The following SH2D3A variants were observed in gnomAD, a reference collection of about 807,000 sequenced individuals.
The protein encoded by SH2D3A is SH2 domain containing 3A.
In SH2D3A, 46 loss-of-function variants were observed where a neutral mutation model predicts 50.6. That is an observed-to-expected ratio of 0.91 (90% confidence interval 0.72 to 1.16). The LOEUF is 1.16. SH2D3A is among the 50% of genes most tolerant of loss of function. SH2D3A has a pLI of 0.00. For missense variants in SH2D3A, 783 were observed against 786.2 expected (o/e 1.00, Z 0.05); for synonymous variants, 377 against 348.4 (o/e 1.08, Z -0.91).
At position 6,754,913 on chromosome 19, in the gene SH2D3A, T is replaced by C; in HGVS notation, c.899A>G (p.Gln300Arg). The change falls in exon 5 of 10, where the codon CAA becomes CGA. Residue 300 changes from glutamine to arginine, a missense_variant. Physicochemically the swap from Gln to Arg is conservative, Grantham distance 43 (BLOSUM62 1). Transcript: ENST00000245908. ...LGPQNRPLEP[Q>R]VLHTLRGLFL... ...CAGGCCACGGAGGGTATGCAGGACTTGGGGTTCCAGGGGCCGATTCTGGGG... is the reference window on the plus strand; with the variant it reads ...CAGGCCACGGAGGGTATGCAGGACTCGGGGTTCCAGGGGCCGATTCTGGGG... 6.2e-7 allele frequency: 1 copy of C among 1,610,740 alleles called. No individual in the cohort carries two copies. The highest frequency in any genetic ancestry group is 8.5e-7 in the Non-Finnish European group (1 of 1,178,066).
chr19:6,752,728 C>T lies in SH2D3A; in HGVS notation c.1596G>A (p.Arg532=). The T allele has an allele frequency of 4.5e-6, 7 of 1,551,100 alleles. No individual in the cohort carries two copies. Among genetic ancestry groups the T allele is most frequent in the Non-Finnish European group, 6.1e-6 (7 of 1,146,664 alleles). ...GCACGAAGCCGGTGGTCAGGGCCTCCCTCAGCTCCGGGTTAGGCCGGAATC... is the reference window on the plus strand; with the variant it reads ...GCACGAAGCCGGTGGTCAGGGCCTCTCTCAGCTCCGGGTTAGGCCGGAATC... The part of the protein sequence containing the change: ...LRGFRPNPEL[R]EALTTGFVRR... The change falls in exon 10 of 10, where the codon AGG becomes AGA. Residue 532 remains arginine, a synonymous_variant. Coordinates refer to ENST00000245908, the MANE Select transcript of SH2D3A (RefSeq NM_005490.3).
intron 1 of SH2D3A, among the ~76,000 whole-genome samples, chr19:6,767,000 A>T (rs1308730804): frequency 6.6e-6 from 1 of 152,160 alleles, no homozygotes; most frequent in Admixed American, 6.6e-5. Flanking sequence ...TAGCCGGAAT[A>T]CGATGAGGAA....
chr19:6,761,114 A>C, intron 2 of SH2D3A, 127 bp from the exon 3 acceptor site: 1 of 716,404 alleles, frequency 1.4e-6, no homozygotes, highest in East Asian at 2.7e-5. Context: ...TGTGGCAGGC[A>C]AAGACGGGGA....
chr19:6,759,214 A>G (rs916037041), intron 4 of SH2D3A: 2 of 192,042 alleles, frequency 1.0e-5, no homozygotes, highest in South Asian at 1.7e-4. Context: ...CCCAGGTTCA[A>G]GCGATTCTCC....
chr19:6,752,808 T>C, intron 9 of SH2D3A, 55 bp from the exon 10 acceptor site: 2 of 1,459,262 alleles, frequency 1.4e-6, no homozygotes, highest in Non-Finnish European at 1.8e-6. Flanking sequence ...GCCTCGCCCC[T>C]CCCAACCTCC....
At chr19:6,754,581 C>T (rs1394308137) in intron 6 of SH2D3A, 35 bp downstream of exon 6, 1 of 1,610,588 alleles carries the variant, frequency 6.2e-7, no homozygotes, top group Non-Finnish European at 8.5e-7. Context: ...GGGGAATTGG[C>T]CTCCCCCAAC....
intron 9 of SH2D3A, 65 bp from the exon 10 acceptor site, chr19:6,752,818 C>T (rs1045797669): frequency 1.4e-6 from 2 of 1,445,898 alleles, no homozygotes; most frequent in African/African-American, 1.4e-5. Context: ...TCCCAACCTC[C>T]CGGCACCTTC....
intron 8 of SH2D3A, 110 bp from the exon 9 acceptor site, chr19:6,753,751 G>A: frequency 1.7e-6 from 2 of 1,211,286 alleles, no homozygotes; most frequent in Admixed American, 3.0e-5. Flanking sequence ...GCGACAGCGG[G>A]GTCTGTGGAG....
chr19:6,753,906 A>G, intron 8 of SH2D3A, 146 bp downstream of exon 8: 1 of 1,094,498 alleles, frequency 9.1e-7, no homozygotes, highest in Non-Finnish European at 1.3e-6. Flanking sequence ...GGAAAGGGCC[A>G]GGACCAACCC....
At position 6,753,539 on chromosome 19, in the gene SH2D3A, C is replaced by G. The variant is rs570757869; in HGVS notation, c.1487G>C (p.Arg496Pro). ...VAGPLDESCE[R>P]LLRTLHGARH... ...CGCCCCGTGCAGGGTGCGCAACAGCCGCTCACAGCTCTCGTCCAGCGGCCC... is the reference window on the plus strand; with the variant it reads ...CGCCCCGTGCAGGGTGCGCAACAGCGGCTCACAGCTCTCGTCCAGCGGCCC... Residue 496 changes from arginine (R) to proline (P), a missense_variant, in exon 9 of 10, where the codon CGG (arginine) becomes CCG (proline). Physicochemically the swap from Arg to Pro is moderately radical, Grantham distance 103 (BLOSUM62 -2). Transcript: ENST00000245908. 1.4e-5 allele frequency: 22 copies of G among 1,568,340 alleles called. No homozygotes were observed. In the East Asian group the frequency reaches 3.3e-4, roughly 24 times the overall value.
At position 6,752,764 on chromosome 19, in the gene SH2D3A, G is replaced by A; in HGVS notation, c.1571-11C>T. On this transcript the variant is annotated splice_polypyrimidine_tract_variant and intron_variant, in intron 9 of 9. Coordinates refer to ENST00000245908, the MANE Select transcript of SH2D3A (RefSeq NM_005490.3). ...GGTTAGGCCGGAATCCTGGAAGCAA[G>A]GTCAGGTGGGCTGGGGGCGGGGCCC... The A allele has an allele frequency of 6.6e-7, 1 of 1,520,296 alleles. No homozygotes were observed. Among genetic ancestry groups the A allele is most frequent in the South Asian group, 1.2e-5 (1 of 82,704 alleles). 94.2% of individuals were successfully genotyped at this position (1,520,296 alleles called of 1,614,324 possible). A position where few individuals can be genotyped will look rare whatever the true frequency, so the allele number is the denominator to read the frequency against.
intron 6 of SH2D3A, 56 bp from the exon 7 acceptor site, chr19:6,754,481 G>A (rs778395778): frequency 1.4e-5 from 21 of 1,541,562 alleles, no homozygotes; most frequent in Non-Finnish European, 1.8e-5. Context: ...TAATGCAGGG[G>A]TGAGGGGGGA....
Position 6,754,354 on chromosome 19 carries a change from G to T in SH2D3A, c.1169C>A (p.Ala390Asp). The T allele has an allele frequency of 6.4e-7, 1 of 1,568,696 alleles. No homozygotes were observed. Among genetic ancestry groups the T allele is most frequent in the Non-Finnish European group, 8.6e-7 (1 of 1,164,208 alleles). The change falls in exon 7 of 10, where the codon GCC becomes GAC. Residue 390 changes from alanine to aspartate, a missense_variant. Transcript: ENST00000245908. ...GCSGPLEERA[A>D]ALRGLVELAL... is the part of the protein sequence containing the mutation. ...CAGCTCTACCAGTCCCCTCAGTGCG[G>T]CTGCGCGCTCCTCCAGCGGCCCCGA...
rs1206196492 is a variant in SH2D3A, at chr19:6,753,953, G to T, written c.1384+99C>A. ...GCGGGGCCTATGGTGAAGGGACCGGGCCTAGAACAGATGCAGGGACTGGGC... is the reference window on the plus strand; with the variant it reads ...GCGGGGCCTATGGTGAAGGGACCGGTCCTAGAACAGATGCAGGGACTGGGC... On this transcript the variant is annotated intron_variant, in intron 8 of 9. Transcript: ENST00000245908. 9 of 1,382,914 alleles carry T rather than the reference G, an allele frequency of 6.5e-6. No homozygotes were observed. In the Admixed American group the frequency reaches 1.4e-4, roughly 21 times the overall value. The allele number at this position is 1,382,914 out of a possible 1,614,324, so 85.7% of individuals were successfully genotyped here. A position where few individuals can be genotyped will look rare whatever the true frequency, so the allele number is the denominator to read the frequency against.
In SH2D3A at chr19:6,753,496, G is replaced by A; in HGVS notation, c.1530C>T (p.Asp510=). Residue 510 remains aspartate, a synonymous_variant, in exon 9 of 10, where the codon GAC becomes GAT. Coordinates refer to ENST00000245908, the MANE Select transcript of SH2D3A (RefSeq NM_005490.3). ...TLHGARHMVR[D]APKFRKVAAQ... is the part of the protein sequence containing the mutation. The stretch of plus-strand genomic sequence containing the variant: ...CTGCCACCTTGCGGAATTTGGGTGC[G>A]TCCCGGACCATGTGACGCGCCCCGT... 1 of 1,551,352 alleles carries A rather than the reference G, an allele frequency of 6.4e-7. No homozygotes were observed. Among genetic ancestry groups the A allele is most frequent in the South Asian group, 1.2e-5 (1 of 84,248 alleles).
rs1316012391 is a variant in SH2D3A at position 6,754,274 on chromosome 19, T to A, written c.1249A>T (p.Met417Leu). 1 of 1,593,650 alleles carries A rather than the reference T, an allele frequency of 6.3e-7. No individual in the cohort carries two copies. The highest frequency in any genetic ancestry group is 8.5e-7 in the Non-Finnish European group (1 of 1,176,070). The change falls in exon 7 of 10, where the codon ATG becomes TTG. Residue 417 changes from methionine (M) to leucine (L), a missense_variant. Transcript: ENST00000245908. ...ACCTGGGGCATGAGCAGGGCGCCCA[T>A]GACTGCAGCCAGCCCGGGCAGGTCC... ...AGDLPGLAAV[M>L]GALLMPQVSR... is the part of the protein sequence containing the mutation.
chr19:6,760,418 C>T (rs992310275), intron 3 of SH2D3A, among the ~76,000 whole-genome samples: 2 of 151,474 alleles, frequency 1.3e-5, no homozygotes, highest in African/African-American at 2.4e-5. Flanking sequence ...ATTAGCTGGG[C>T]GTGGTGGTGC....
At chr19:6,766,144 C>T (rs1010261460) in intron 1 of SH2D3A, among the ~76,000 whole-genome samples, 1 of 152,186 alleles carries the variant, frequency 6.6e-6, no homozygotes, top group African/African-American at 2.4e-5. Context: ...GAGCGCTGGG[C>T]AGGGAGCCAG....
chr19:6,756,826 AC>A, intron 4 of SH2D3A, among the ~76,000 whole-genome samples: 1 of 152,042 alleles, frequency 6.6e-6, no homozygotes, highest in Admixed American at 6.6e-5. Flanking sequence ...TGCTTCAGCT[AC>A]ACTCGTGTGT....
Sources: gnomAD v4.1 joint callset for allele counts (sites outside exome capture counted in the v4.1 genomes callset) on GRCh38, gnomAD v4.1.1 for gene constraint, MANE v1.5 for transcripts, NCBI Gene and HGNC (gene_info 2026-07-23, HGNC 2026-07-21) for gene names.